Variants in EVC observed in about 807,000 individuals in gnomAD.
EVC encodes the protein evC complex member EVC.
A neutral mutation model predicts 118.9 loss-of-function variants in EVC; 116 were observed. The ratio of observed to expected loss-of-function variants is 0.98; its 90% CI spans 0.84 to 1.14. The LOEUF (loss-of-function observed/expected upper bound fraction) is 1.14, where lower values mean the gene tolerates loss of function less well. Among genes scored for constraint, EVC ranks in the 50% most tolerant of loss-of-function variants. The probability of loss-of-function intolerance (pLI) is 0.00; values close to 1 mark genes in which losing one functional copy is unlikely to be tolerated. For missense variants in EVC, 1,401 were observed against 1,246.4 expected (o/e 1.12, Z -1.87); for synonymous variants, 619 against 534.7 (o/e 1.16, Z -2.18).
chr4:5,804,648 C>T lies in EVC; in HGVS notation c.2450-82C>T, dbSNP rs554128392. ...GGAGAGCTGGTGTGTCTCACTCACC[C>T]TGCACCCCAGCACCTGCCCCAGACC... is the stretch of plus-strand genomic sequence containing the variant. On this transcript the variant is annotated intron_variant, in intron 16 of 20. Transcript: ENST00000264956. 3.7e-5 allele frequency: 44 copies of T among 1,197,404 alleles called. No individual in the cohort carries two copies. The African/African-American group carries it at 5.5e-4, about 15-fold the overall frequency. 74.2% of individuals were successfully genotyped at this position (1,197,404 alleles called of 1,614,324 possible).
the EVC span, chr4:5,821,831 T>G: frequency 1.2e-6 from 2 of 1,608,852 alleles, no homozygotes; most frequent in African/African-American, 1.3e-5. This position sits in a 1 kb window ranked among gnomAD's most constrained non-coding sequence, Gnocchi z 4.4. Context: ...CGCCTGGGAT[T>G]GTTGTCATCT....
At position 5,731,836 on chromosome 4, in the gene EVC, A is replaced by G. The variant is rs1220836728; in HGVS notation, c.617+179A>G. Among the ~76,000 whole-genome samples, 1 of 152,102 alleles carries G rather than the reference A, an allele frequency of 6.6e-6. No individual in the cohort carries two copies. Among genetic ancestry groups the G allele is most frequent in the African/African-American group, 2.4e-5 (1 of 41,420 alleles). On this transcript the variant is annotated intron_variant, in intron 4 of 20. Transcript: ENST00000264956. This position sits in a 1 kb window ranked among gnomAD's most constrained non-coding sequence, Gnocchi z 5.6. ...AGGCCTTTGTCACTTCCTGTGCTGT[A>G]TTGCCCAACACTGGGGTTATGGAGT... is the stretch of plus-strand genomic sequence containing the variant.
chr4:5,821,648 CCCCT>C, the EVC span: 7 of 988,818 alleles, frequency 7.1e-6, no homozygotes, highest in South Asian at 1.6e-5. This position sits in a 1 kb window ranked among gnomAD's most constrained non-coding sequence, Gnocchi z 4.4. Context: ...CTTCGACTTC[CCCCT>C]CCCTCCATCA....
At chr4:5,771,710 C>T (rs1205348569) in intron 11 of EVC, among the ~76,000 whole-genome samples, 1 of 152,152 alleles carries the variant, frequency 6.6e-6, no homozygotes, top group Admixed American at 6.5e-5. Flanking sequence ...ACAGACCTCC[C>T]CGTCGCCGGG....
At chr4:5,751,595 C>T (rs1043391286) in intron 8 of EVC, among the ~76,000 whole-genome samples, 1 of 152,244 alleles carries the variant, frequency 6.6e-6, no homozygotes, top group African/African-American at 2.4e-5. Context: ...TGCAGCTCAG[C>T]GCACAGTGTG....
chr4:5,757,202 G>A (rs879433267), intron 11 of EVC, among the ~76,000 whole-genome samples: 1 of 152,196 alleles, frequency 6.6e-6, no homozygotes, highest in South Asian at 2.1e-4. Context: ...CCCAGGGCAC[G>A]TTGTCTCCAG....
At chr4:5,714,103 C>T (rs1465186182) in intron 1 of EVC, among the ~76,000 whole-genome samples, 1 of 152,182 alleles carries the variant, frequency 6.6e-6, no homozygotes, top group Admixed American at 6.5e-5. Context: ...CTGCGCGGTC[C>T]TTTCTTAGAC....
chr4:5,731,736 G>A lies in EVC; in HGVS notation c.617+79G>A. ...GGGAGTCACATCATTGTCAGAGGAG[G>A]AAACAGAGGCCCAGAGAGGTTCAGT... On this transcript the variant is annotated intron_variant, in intron 4 of 20. Transcript: ENST00000264956. This position sits in a 1 kb window ranked among gnomAD's most constrained non-coding sequence, Gnocchi z 5.6. 7.3e-7 allele frequency: 1 copy of A among 1,376,732 alleles called. No individual in the cohort carries two copies. The highest frequency in any genetic ancestry group is 1.2e-5 in the South Asian group (1 of 81,320). The allele number at this position is 1,376,732 out of a possible 1,614,324, so 85.3% of individuals were successfully genotyped here.
At chr4:5,735,229 G>A (rs1462124158) in intron 5 of EVC, among the ~76,000 whole-genome samples, 1 of 152,254 alleles carries the variant, frequency 6.6e-6, no homozygotes, top group Non-Finnish European at 1.5e-5. Context: ...CTGTGACAAA[G>A]CATCATGCGA....
At position 5,738,714 on chromosome 4, in the gene EVC, G is replaced by A. The variant is rs1043327859; in HGVS notation, c.703-3002G>A. 9.9e-5 allele frequency among the ~76,000 whole-genome samples: 15 copies of A among 151,610 alleles called. No individual in the cohort carries two copies. Among genetic ancestry groups the A allele is most frequent in the Admixed American group, 7.9e-4 (12 of 15,218 alleles). On this transcript the variant is annotated intron_variant, in intron 5 of 20. Coordinates refer to ENST00000264956, the MANE Select transcript of EVC (RefSeq NM_153717.3). The surrounding 1 kb of genome is among the most constrained non-coding windows in gnomAD (Gnocchi z 6.5). ...CCCGAGCAGCTGGGACCACAGGCGC[G>A]CACCACCTCGCCCAGACAATTTTTG...
intron 8 of EVC, among the ~76,000 whole-genome samples, chr4:5,750,182 C>G (rs1730138949): frequency 6.6e-6 from 1 of 152,154 alleles, no homozygotes; most frequent in African/African-American, 2.4e-5. Context: ...GAGCCTGGGC[C>G]TGAAGCTTCC....
chr4:5,825,009 A>G, the EVC span: 6 of 985,418 alleles, frequency 6.1e-6, no homozygotes, highest in Non-Finnish European at 7.2e-6. The surrounding 1 kb of genome is among the most constrained non-coding windows in gnomAD (Gnocchi z 4.4). Flanking sequence ...CTCTTTAAAT[A>G]AATAGGGTAT....
intron 2 of EVC, among the ~76,000 whole-genome samples, chr4:5,724,804 C>A (rs116584296): frequency 0.014 from 2,096 of 152,006 alleles, 30 homozygotes; most frequent in African/African-American, 0.037. Context: ...AAACGTGTGC[C>A]ATGGTGGTTT....
At chr4:5,825,688 A>G in the EVC span, 6 of 1,609,172 alleles carry the variant, frequency 3.7e-6, no homozygotes, top group Non-Finnish European at 1.7e-6. The surrounding 1 kb of genome is among the most constrained non-coding windows in gnomAD (Gnocchi z 4.4). Context: ...AGTGTGATTG[A>G]TCGACACTGT....
chr4:5,821,918 G>A, the EVC span: 10 of 1,245,786 alleles, frequency 8.0e-6, no homozygotes, highest in Admixed American at 6.5e-5. The surrounding 1 kb of genome is among the most constrained non-coding windows in gnomAD (Gnocchi z 4.4). Flanking sequence ...GCTCCTGGAG[G>A]CCATGTACTC....
At chr4:5,783,943 T>A (rs1736040733) in intron 12 of EVC, among the ~76,000 whole-genome samples, 179 bp downstream of exon 12, 1 of 152,180 alleles carries the variant, frequency 6.6e-6, no homozygotes, top group Admixed American at 6.5e-5. Flanking sequence ...GCAGAGCCCT[T>A]ATCTCCCTCA....
chr4:5,719,430 C>A lies in EVC; in HGVS notation c.300+57C>A. ...GCACATGTGGGAGGTGGGGTATTCC[C>A]CCTGGAAGCCGGGTGTCATGTAGAC... On this transcript the variant is annotated intron_variant, in intron 2 of 20. Transcript: ENST00000264956. The surrounding 1 kb of genome is among the most constrained non-coding windows in gnomAD (Gnocchi z 4.7). 1 of 1,612,404 alleles carries A rather than the reference C, an allele frequency of 6.2e-7. No homozygotes were observed. Among genetic ancestry groups the A allele is most frequent in the South Asian group, 1.1e-5 (1 of 90,950 alleles).
chr4:5,769,261 A>G (rs1282308807), intron 11 of EVC, among the ~76,000 whole-genome samples: 1 of 152,098 alleles, frequency 6.6e-6, no homozygotes, highest in African/African-American at 2.4e-5. Flanking sequence ...TCCTCTTTAT[A>G]AAACCATCAG....
rs1227470790 is a variant in EVC, at chr4:5,733,267, G to T, written c.618-84G>T. On this transcript the variant is annotated intron_variant, in intron 4 of 20. Coordinates refer to ENST00000264956, the MANE Select transcript of EVC (RefSeq NM_153717.3). ...TTTGAGGCAGGGTGTGCTGTGGCTT[G>T]TACTGATGAGGGACGTGCCAATATT... is the stretch of plus-strand genomic sequence containing the variant. 79 of 1,104,244 alleles carry T rather than the reference G, an allele frequency of 7.2e-5. No homozygotes were observed. In the East Asian group the frequency reaches 8.9e-4, roughly 12 times the overall value. 68.4% of individuals were successfully genotyped at this position (1,104,244 alleles called of 1,614,324 possible).
Sources: allele counts gnomAD v4.1 joint callset (sites outside exome capture counted in the v4.1 genomes callset), GRCh38; gene constraint gnomAD v4.1.1; non-coding constraint Gnocchi (gnomAD v3.1); transcripts MANE v1.5; gene names NCBI Gene and HGNC (gene_info 2026-07-23, HGNC 2026-07-21).